The following ZBTB17 variants were observed in gnomAD, a reference collection of about 807,000 sequenced individuals.
The protein encoded by ZBTB17 is zinc finger and BTB domain containing 17.
A neutral mutation model predicts 85.1 loss-of-function variants in ZBTB17; 24 were observed. The observed-to-expected ratio is 0.28, with a 90% CI of 0.20 to 0.40. The LOEUF (loss-of-function observed/expected upper bound fraction) is 0.40, where lower values mean the gene tolerates loss of function less well. Ranked by LOEUF, ZBTB17 falls within the 10% of genes least tolerant of loss-of-function variation. The pLI is 1.00. For missense variants in ZBTB17, 743 were observed against 1,105.1 expected, an observed-to-expected ratio of 0.67 and a Z score of 4.65; for synonymous variants, 464 against 460.2, an observed-to-expected ratio of 1.01 and a Z score of -0.11.
intron 13 of ZBTB17, 25 bp from the exon 14 acceptor site, chr1:15,942,763 C>T (rs1412886924): frequency 6.2e-7 from 1 of 1,611,134 alleles, no homozygotes; most frequent in Non-Finnish European, 8.5e-7. Flanking sequence ...TTCTCTCTTG[C>T]CTTTGTGGGA....
chr1:15,972,172 G>A (rs945404611), intron 2 of ZBTB17, among the ~76,000 whole-genome samples: 11 of 152,154 alleles, frequency 7.2e-5, no homozygotes, highest in African/African-American at 2.7e-4. Context: ...ACATGGCTGG[G>A]AGCACCTGCT....
chr1:15,953,317 T>C lies in ZBTB17; in HGVS notation c.-2-4820A>G, dbSNP rs2071930541. 6.6e-6 allele frequency among the ~76,000 whole-genome samples: 1 copy of C among 152,138 alleles called. No individual in the cohort carries two copies. The highest frequency in any genetic ancestry group is 2.4e-5 in the African/African-American group (1 of 41,422). ...CGTGTGCTACTGCACCCAGCCATTT[T>C]TCAAAAATTTTAATAAGAAAAAAGT... is the stretch of plus-strand genomic sequence containing the variant. On this transcript the variant is annotated intron_variant, in intron 2 of 15. Transcript: ENST00000375743. This position sits in a 1 kb window ranked among gnomAD's most constrained non-coding sequence, Gnocchi z 5.1.
intron 2 of ZBTB17, among the ~76,000 whole-genome samples, chr1:15,960,889 T>C (rs966849409): frequency 5.3e-5 from 8 of 152,184 alleles, no homozygotes; most frequent in Non-Finnish European, 1.2e-4. Context: ...CAAGGTCCCT[T>C]GTAGTGTTAA....
At chr1:15,949,749 C>T (rs1172036470) in intron 2 of ZBTB17, among the ~76,000 whole-genome samples, 3 of 152,198 alleles carry the variant, frequency 2.0e-5, no homozygotes, top group Non-Finnish European at 2.9e-5. Context: ...GCATGGCTGT[C>T]GGGCTGTGAT....
rs773356088 is a variant in ZBTB17 at position 15,943,811 on chromosome 1, A to T, written c.1456T>A (p.Ser486Thr). 12 of 1,612,142 alleles carry T rather than the reference A, an allele frequency of 7.4e-6. No individual in the cohort carries two copies. Among genetic ancestry groups the T allele is most frequent in the Middle Eastern group, 3.3e-4 (2 of 6,056 alleles). The change falls in exon 10 of 16, where the codon TCA becomes ACA. Residue 486 changes from serine (S) to threonine (T), a missense_variant. By Grantham distance (58) the Ser-to-Thr change is moderately conservative (BLOSUM62 1). This residue lies in a region of ZBTB17 where 321 missense variants were observed against 615.7 expected (regional missense o/e 0.52). Coordinates refer to ENST00000375743, the MANE Select transcript of ZBTB17 (RefSeq NM_003443.3). ...GCCAGGGCAGCCCTGGCCCTACCTGAGGTGGTGAACTGCTTCCCACACTCT... is the reference window on the plus strand; with the variant it reads ...GCCAGGGCAGCCCTGGCCCTACCTGTGGTGGTGAACTGCTTCCCACACTCT... Reference protein sequence around the residue: ...CRECGKQFTTSGNLKRHLRIH... With the variant: ...CRECGKQFTTTGNLKRHLRIH...
Position 15,953,601 on chromosome 1 carries a change from T to A in ZBTB17, c.-2-5104A>T, listed in dbSNP as rs1484586878. Reference sequence around the variant, plus strand: ...GACTGCTGAGTAAGCCAGGTTTCTGTTTGGGCCGTGAAATCCACTCTGGTG... The same window carrying A: ...GACTGCTGAGTAAGCCAGGTTTCTGATTGGGCCGTGAAATCCACTCTGGTG... On this transcript the variant is annotated intron_variant, in intron 2 of 15. Coordinates refer to ENST00000375743, the MANE Select transcript of ZBTB17 (RefSeq NM_003443.3). The surrounding 1 kb of genome is among the most constrained non-coding windows in gnomAD (Gnocchi z 5.1). 6.6e-6 allele frequency among the ~76,000 whole-genome samples: 1 copy of A among 151,902 alleles called. No homozygotes were observed. Among genetic ancestry groups the A allele is most frequent in the Non-Finnish European group, 1.5e-5 (1 of 67,954 alleles).
At position 15,973,750 on chromosome 1, in the gene ZBTB17, C is replaced by T. The variant is rs527765088; in HGVS notation, c.-89-625G>A. Among the ~76,000 whole-genome samples, 4 of 152,296 alleles carry T rather than the reference C, an allele frequency of 2.6e-5. No individual in the cohort carries two copies. The highest frequency in any genetic ancestry group is 1.9e-4 in the East Asian group (1 of 5,184). ...AATCACCAAATTGTGTCAATTCTAT[C>T]GCTAAAACCATCTCTCCTCACTCTC... is the stretch of plus-strand genomic sequence containing the variant. On this transcript the variant is annotated intron_variant, in intron 1 of 15. Transcript: ENST00000375743. This position sits in a 1 kb window ranked among gnomAD's most constrained non-coding sequence, Gnocchi z 4.1.
intron 2 of ZBTB17, among the ~76,000 whole-genome samples, chr1:15,971,668 A>G (rs2072692890): frequency 6.7e-6 from 1 of 149,322 alleles, no homozygotes; most frequent in Admixed American, 6.7e-5. Context: ...GGAGTGCTGC[A>G]CTATGCAGCA....
At chr1:15,975,947 G>T (rs2072865475) in intron 1 of ZBTB17, 36 bp downstream of exon 1, 1 of 698,132 alleles carries the variant, frequency 1.4e-6, no homozygotes, top group Non-Finnish European at 2.6e-6. Context: ...CCGGCTCCCG[G>T]GACTTCCCCG....
intron 2 of ZBTB17, among the ~76,000 whole-genome samples, chr1:15,956,754 A>G (rs1172543561): frequency 6.6e-6 from 1 of 152,210 alleles, no homozygotes; most frequent in African/African-American, 2.4e-5. Context: ...TGTCCTAGGT[A>G]CTATGTTAGA....
At position 15,952,340 on chromosome 1, in the gene ZBTB17, A is replaced by G. The variant is rs1253008109; in HGVS notation, c.-2-3843T>C. Among the ~76,000 whole-genome samples, 2 of 152,230 alleles carry G rather than the reference A, an allele frequency of 1.3e-5. No individual in the cohort carries two copies. The highest frequency in any genetic ancestry group is 3.9e-4 in the East Asian group (2 of 5,194). On this transcript the variant is annotated intron_variant, in intron 2 of 15. Transcript: ENST00000375743. This position sits in a 1 kb window ranked among gnomAD's most constrained non-coding sequence, Gnocchi z 4.3. ...ACACAGAGCCCTGGGCTCCCTCACGAGGAATTCACTGGGGAACAAAAAAGT... is the reference window on the plus strand; with the variant it reads ...ACACAGAGCCCTGGGCTCCCTCACGGGGAATTCACTGGGGAACAAAAAAGT...
At chr1:15,956,959 T>C (rs2072064253) in intron 2 of ZBTB17, among the ~76,000 whole-genome samples, 1 of 151,876 alleles carries the variant, frequency 6.6e-6, no homozygotes, top group South Asian at 2.1e-4. Flanking sequence ...GGCGGGTGGA[T>C]CACGAGGTCA....
intron 2 of ZBTB17, among the ~76,000 whole-genome samples, chr1:15,956,336 C>G (rs751839310): frequency 4.6e-5 from 7 of 152,218 alleles, no homozygotes; most frequent in Admixed American, 6.5e-5. Flanking sequence ...TACCCAGAAC[C>G]CTGCTTTCAA....
In ZBTB17 at chr1:15,943,412, G is replaced by A; in HGVS notation, c.1684C>T (p.Arg562Cys). Reference sequence around the variant, plus strand: ...AGGGGGCAGGACCTCTTGCCGCAGCGCTCGCAGACGTAGGGCTTCTCCCCG... The same window carrying A: ...AGGGGGCAGGACCTCTTGCCGCAGCACTCGCAGACGTAGGGCTTCTCCCCG... ...HTGEKPYVCERCGKRFVQSSQ... is the reference protein window; with the variant it reads ...HTGEKPYVCECCGKRFVQSSQ... Residue 562 changes from arginine (R) to cysteine (C), a missense_variant, in exon 12 of 16, where the codon CGC becomes TGC. Transcript: ENST00000375743. 6.2e-7 allele frequency: 1 copy of A among 1,601,116 alleles called. No individual in the cohort carries two copies. The highest frequency in any genetic ancestry group is 8.5e-7 in the Non-Finnish European group (1 of 1,173,152).
At chr1:15,974,450 C>T (rs1442795645) in intron 1 of ZBTB17, among the ~76,000 whole-genome samples, 2 of 150,962 alleles carry the variant, frequency 1.3e-5, no homozygotes, top group Non-Finnish European at 2.9e-5. Context: ...GCTAGAATTA[C>T]AGAGTAAGCC....
At chr1:15,967,107 G>A (rs1465410184) in intron 2 of ZBTB17, among the ~76,000 whole-genome samples, 1 of 152,088 alleles carries the variant, frequency 6.6e-6, no homozygotes, top group Non-Finnish European at 1.5e-5. Context: ...CACCACCCCT[G>A]CTCGCACCTG....
chr1:15,959,396 T>G (rs2072166413), intron 2 of ZBTB17, among the ~76,000 whole-genome samples: 1 of 151,908 alleles, frequency 6.6e-6, no homozygotes, highest in Non-Finnish European at 1.5e-5. Flanking sequence ...TCACTATATA[T>G]CCTTTCTGTG....
chr1:15,974,735 C>T (rs746171445), intron 1 of ZBTB17, among the ~76,000 whole-genome samples: 5 of 152,006 alleles, frequency 3.3e-5, no homozygotes, highest in Non-Finnish European at 7.4e-5. Context: ...CAAGCACGAC[C>T]GGCTAATTTT....
chr1:15,965,775 C>G (rs1288773460), intron 2 of ZBTB17, among the ~76,000 whole-genome samples: 1 of 152,142 alleles, frequency 6.6e-6, no homozygotes, highest in East Asian at 1.9e-4. Flanking sequence ...TGTCAAGGCA[C>G]TGAAGAAAAC....
Sources: allele counts gnomAD v4.1 joint callset (sites outside exome capture counted in the v4.1 genomes callset), GRCh38; gene constraint gnomAD v4.1.1; regional missense constraint gnomAD v4.1.1; non-coding constraint Gnocchi (gnomAD v3.1); transcripts MANE v1.5; gene names NCBI Gene and HGNC (gene_info 2026-07-23, HGNC 2026-07-21).